The following FAM3D variants were observed in gnomAD, a reference collection of about 807,000 sequenced individuals.
FAM3D encodes FAM3 metabolism regulating signaling molecule D.
A neutral mutation model predicts 29.8 loss-of-function variants in FAM3D; 26 were observed. That is an observed-to-expected ratio of 0.87 (90% CI 0.64 to 1.21). The LOEUF is 1.21. Ranked by LOEUF, FAM3D falls within the 50% of genes most tolerant of loss-of-function variation. FAM3D has a pLI of 0.00. For synonymous variants in FAM3D, 115 were observed against 102.3 expected (o/e 1.12, Z -0.75); for missense variants, 253 against 290.9 (o/e 0.87, Z 0.95).
intron 3 of FAM3D, 31 bp downstream of exon 3, chr3:58,653,643 G>A (rs925553942): frequency 6.3e-6 from 10 of 1,598,444 alleles, no homozygotes; most frequent in Non-Finnish European, 8.6e-6. Flanking sequence ...CTGGTCTGCA[G>A]TTCCTGCCCC....
rs1290809939 is a variant in FAM3D at position 58,636,265 on chromosome 3, A to C, written c.585+29T>G. On this transcript the variant is annotated intron_variant, in intron 9 of 9. Coordinates refer to ENST00000358781, the MANE Select transcript of FAM3D (RefSeq NM_138805.3). ...CCACCCAGCTCCTCATGCATCCTTC[A>C]TAGGGCCGGGTTGTGGCCCAGAACC... The C allele has an allele frequency of 2.5e-6, 4 of 1,607,112 alleles. No homozygotes were observed. In the East Asian group the frequency reaches 8.9e-5, roughly 36 times the overall value.
chr3:58,653,473 C>T (rs2066704319), intron 3 of FAM3D, among the ~76,000 whole-genome samples: 1 of 152,204 alleles, frequency 6.6e-6, no homozygotes, highest in Non-Finnish European at 1.5e-5. Flanking sequence ...TTGCCCAGGC[C>T]CTTGCAATGC....
chr3:58,645,720 C>T (rs2066459805), intron 4 of FAM3D, 94 bp from the exon 5 acceptor site: 3 of 1,060,364 alleles, frequency 2.8e-6, no homozygotes, highest in Non-Finnish European at 4.4e-6. Context: ...CAGGGCGCAG[C>T]TTGGGATGAA....
intron 3 of FAM3D, among the ~76,000 whole-genome samples, chr3:58,652,374 C>CCATCCATT (rs2066661774): frequency 6.6e-6 from 1 of 150,558 alleles, no homozygotes; most frequent in African/African-American, 2.4e-5. Context: ...ACCTGTCCAT[C>CCATCCATT]CATTCATTCA....
chr3:58,636,408 T>C lies in FAM3D; in HGVS notation c.471A>G (p.Glu157=), dbSNP rs1161407250. The change falls in exon 9 of 10, where the codon GAA becomes GAG. Residue 157 remains glutamate (E), a synonymous_variant. Transcript: ENST00000358781. The stretch of plus-strand genomic sequence containing the variant: ...CCAAGTCAGAGAAGAGTTTCCTGCT[T>C]TCATCGTTCATTCTGCAGAGGACCA... The part of the protein sequence containing the change: ...YDDPGTKMND[E]SRKLFSDLGS... 6.2e-7 allele frequency: 1 copy of C among 1,614,148 alleles called. No homozygotes were observed. The highest frequency in any genetic ancestry group is 1.7e-5 in the Admixed American group (1 of 60,030).
chr3:58,650,145 G>T (rs1170435577), intron 3 of FAM3D, among the ~76,000 whole-genome samples: 3 of 152,190 alleles, frequency 2.0e-5, no homozygotes, highest in Non-Finnish European at 4.4e-5. Context: ...CAGCAGTGAC[G>T]CCTGGAGGAC....
At chr3:58,656,113 G>A (rs2066790001) in intron 1 of FAM3D, among the ~76,000 whole-genome samples, 1 of 152,086 alleles carries the variant, frequency 6.6e-6, no homozygotes, top group Non-Finnish European at 1.5e-5. Context: ...GCCAGCCAGG[G>A]AGGTTGAGCT....
rs1335418657 is a variant in FAM3D at position 58,637,074 on chromosome 3, T to C, written c.458+67A>G. On this transcript the variant is annotated intron_variant, in intron 8 of 9. Transcript: ENST00000358781. ...GATCTGGCAAAAGAGCAGAAAAGGG[T>C]GTGCAGGGTTTGAAGGTATTCAGTT... The C allele has an allele frequency of 8.3e-6, 11 of 1,332,096 alleles. No homozygotes were observed. The African/African-American group carries it at 1.3e-4, about 16-fold the overall frequency. 82.5% of individuals were successfully genotyped at this position (1,332,096 alleles called of 1,614,324 possible).
chr3:58,636,564 A>G (rs2066178756), intron 8 of FAM3D, 144 bp from the exon 9 acceptor site: 2 of 1,184,138 alleles, frequency 1.7e-6, no homozygotes, highest in African/African-American at 1.5e-5. Context: ...GGCTGCACTC[A>G]GGAAGGACAG....
chr3:58,640,216 G>A (rs2066290107), intron 6 of FAM3D, 39 bp from the exon 7 acceptor site: 8 of 1,605,746 alleles, frequency 5.0e-6, no homozygotes, highest in African/African-American at 4.0e-5. Context: ...CCTGTAACAC[G>A]TGTCATTCTG....
intron 1 of FAM3D, among the ~76,000 whole-genome samples, chr3:58,662,288 T>C (rs2066946939): frequency 6.6e-6 from 1 of 152,230 alleles, no homozygotes; most frequent in Non-Finnish European, 1.5e-5. Context: ...CTGAGACAGC[T>C]GGGTCTTGAC....
At chr3:58,640,598 C>A (rs1480239617) in intron 6 of FAM3D, among the ~76,000 whole-genome samples, 1 of 152,234 alleles carries the variant, frequency 6.6e-6, no homozygotes, top group Non-Finnish European at 1.5e-5. Flanking sequence ...CATTATTATT[C>A]CCACCTAAAT....
intron 7 of FAM3D, 60 bp from the exon 8 acceptor site, chr3:58,637,285 T>C: frequency 1.4e-6 from 2 of 1,470,088 alleles, no homozygotes; most frequent in East Asian, 4.8e-5. Flanking sequence ...GTCATTCTCA[T>C]GCTTGTCTAC....
chr3:58,655,768 G>A (rs553036464), intron 1 of FAM3D, among the ~76,000 whole-genome samples, 167 bp from the exon 2 acceptor site: 1 of 152,174 alleles, frequency 6.6e-6, no homozygotes, highest in African/African-American at 2.4e-5. Context: ...TTTCCTGTCT[G>A]CCTCCATGTC....
chr3:58,664,312 T>G (rs1044008268), intron 1 of FAM3D, among the ~76,000 whole-genome samples: 3 of 152,224 alleles, frequency 2.0e-5, no homozygotes, highest in African/African-American at 7.2e-5. Flanking sequence ...ACGTAGAACT[T>G]GTTCACATCT....
intron 3 of FAM3D, among the ~76,000 whole-genome samples, chr3:58,649,748 T>A (rs781082286): frequency 3.5e-5 from 5 of 143,246 alleles, no homozygotes; most frequent in Non-Finnish European, 7.8e-5. Flanking sequence ...TCTCCCTTGG[T>A]TCAAAAGAAG....
chr3:58,661,967 T>G (rs2066939821), intron 1 of FAM3D, among the ~76,000 whole-genome samples: 1 of 152,204 alleles, frequency 6.6e-6, no homozygotes, highest in Non-Finnish European at 1.5e-5. Context: ...GGAAGCCATC[T>G]GGACAGACAT....
chr3:58,660,290 G>T lies in FAM3D; in HGVS notation c.-38-4689C>A, dbSNP rs1194164742. ...CCATGGGTCCTGCCCTGAAGCAGGGGGTGTGCAACCCTGCCTAGACCCAGT... is the reference window on the plus strand; with the variant it reads ...CCATGGGTCCTGCCCTGAAGCAGGGTGTGTGCAACCCTGCCTAGACCCAGT... On this transcript the variant is annotated intron_variant, in intron 1 of 9. Coordinates refer to ENST00000358781, the MANE Select transcript of FAM3D (RefSeq NM_138805.3). Among the ~76,000 whole-genome samples the T allele has an allele frequency of 3.9e-5, 6 of 152,150 alleles. No individual in the cohort carries two copies. The South Asian group carries it at 6.2e-4, about 16-fold the overall frequency.
intron 1 of FAM3D, among the ~76,000 whole-genome samples, chr3:58,656,002 G>C (rs186007326): frequency 4.0e-5 from 6 of 151,770 alleles, no homozygotes; most frequent in Non-Finnish European, 8.8e-5. Flanking sequence ...TCCTCTATCT[G>C]TTCACTTTTC....
Sources: gnomAD v4.1 joint callset for allele counts (sites outside exome capture counted in the v4.1 genomes callset) on GRCh38, gnomAD v4.1.1 for gene constraint, MANE v1.5 for transcripts, NCBI Gene and HGNC (gene_info 2026-07-23, HGNC 2026-07-21) for gene names.